PRP4K: variants seen among roughly 807,000 people sequenced by gnomAD.
PRP4K encodes the protein pre-mRNA processing factor kinase PRP4K.
chr6:4,054,539 G>T, the PRP4K span, among the ~76,000 whole-genome samples: 1 of 151,940 alleles, frequency 6.6e-6, no homozygotes, highest in Non-Finnish European at 1.5e-5. Context: ...ACACAGCCTT[G>T]CCCTGTTACC....
At chr6:4,044,281 A>G in the PRP4K span, 1 of 386,960 alleles carries the variant, frequency 2.6e-6, no homozygotes, top group Non-Finnish European at 4.6e-6. Flanking sequence ...GCTATTTTAA[A>G]GCAAATCCAA....
chr6:4,052,533 A>G, the PRP4K span, among the ~76,000 whole-genome samples: 2 of 152,220 alleles, frequency 1.3e-5, no homozygotes, highest in Admixed American at 1.3e-4. Context: ...AAACTGTGTT[A>G]TATACATACA....
chr6:4,056,450 G>A, the PRP4K span: 4 of 1,612,670 alleles, frequency 2.5e-6, no homozygotes, highest in Admixed American at 5.0e-5. Context: ...GTTTCTTAAT[G>A]TTCTTTGACC....
At chr6:4,040,335 T>G in the PRP4K span, among the ~76,000 whole-genome samples, 6 of 152,202 alleles carry the variant, frequency 3.9e-5, 1 homozygote, top group East Asian at 5.8e-4. Context: ...CACACTCAAG[T>G]TAGAGAACGT....
chr6:4,048,004 C>A, the PRP4K span, among the ~76,000 whole-genome samples: 1 of 149,358 alleles, frequency 6.7e-6, no homozygotes, highest in African/African-American at 2.5e-5. Flanking sequence ...GAGTATTGAC[C>A]CAGTTTTGGT....
the PRP4K span, chr6:4,047,351 T>C: frequency 4.0e-6 from 4 of 996,292 alleles, no homozygotes; most frequent in Non-Finnish European, 4.4e-6. Flanking sequence ...TAATAAATAT[T>C]TTGAACAGTG....
the PRP4K span, chr6:4,044,045 G>A: frequency 1.4e-5 from 23 of 1,601,582 alleles, no homozygotes; most frequent in Admixed American, 1.3e-4. Context: ...TTGTCCTGGC[G>A]ACGCTTTTCT....
the PRP4K span, chr6:4,032,849 A>C: frequency 7.7e-7 from 1 of 1,296,098 alleles, no homozygotes; most frequent in Non-Finnish European, 1.0e-6. Flanking sequence ...TGAAGTAGTA[A>C]GTAAAAATAA....
chr6:4,032,460 A>G, the PRP4K span: 5 of 1,614,074 alleles, frequency 3.1e-6, no homozygotes, highest in African/African-American at 5.3e-5. Context: ...GAGAAAATCA[A>G]AACGGTCTGA....
chr6:4,038,828 G>C, the PRP4K span, among the ~76,000 whole-genome samples: 1 of 150,986 alleles, frequency 6.6e-6, no homozygotes, highest in African/African-American at 2.4e-5. Flanking sequence ...TATGTGCCTC[G>C]GTATGTAGAT....
At chr6:4,056,598 TTG>T in the PRP4K span, 1 of 1,590,920 alleles carries the variant, frequency 6.3e-7, no homozygotes, top group African/African-American at 1.3e-5. Flanking sequence ...ATGAAGGTAG[TTG>T]TGACAGGAGT....
At chr6:4,051,270 A>G in the PRP4K span, among the ~76,000 whole-genome samples, 8 of 152,026 alleles carry the variant, frequency 5.3e-5, no homozygotes, top group South Asian at 2.1e-4. Context: ...TTTGTTAAAA[A>G]TAATGTCAAG....
the PRP4K span, among the ~76,000 whole-genome samples, chr6:4,059,368 C>T: frequency 2.0e-5 from 3 of 152,130 alleles, no homozygotes; most frequent in Non-Finnish European, 4.4e-5. Flanking sequence ...TGCCTCACCC[C>T]CAACCCCCTA....
At chr6:4,037,039 A>C in the PRP4K span, among the ~76,000 whole-genome samples, 1 of 152,074 alleles carries the variant, frequency 6.6e-6, no homozygotes, top group South Asian at 2.1e-4. Flanking sequence ...CAGGATGTAG[A>C]AAGAAAAAGT....
chr6:4,060,323 A>C, the PRP4K span: 32 of 1,215,306 alleles, frequency 2.6e-5, no homozygotes, highest in East Asian at 8.1e-4. The surrounding 1 kb of genome is among the most constrained non-coding windows in gnomAD (Gnocchi z 4.7). Context: ...CATGTTTTTA[A>C]TATTTTTGAT....
the PRP4K span, chr6:4,044,044 C>A: frequency 7.0e-5 from 112 of 1,600,498 alleles, no homozygotes; most frequent in Admixed American, 5.7e-4. Context: ...TTTGTCCTGG[C>A]GACGCTTTTC....
chr6:4,057,506 A>ACCTAATT, the PRP4K span, among the ~76,000 whole-genome samples: 2 of 152,256 alleles, frequency 1.3e-5, no homozygotes, highest in Non-Finnish European at 2.9e-5. Context: ...TAGGTAAAAT[A>ACCTAATT]CAAGAACATG....
At chr6:4,024,640 T>G in the PRP4K span, among the ~76,000 whole-genome samples, 1 of 152,166 alleles carries the variant, frequency 6.6e-6, no homozygotes, top group Non-Finnish European at 1.5e-5. Flanking sequence ...CGAGTCTCTG[T>G]TGCCCAGGCT....
the PRP4K span, among the ~76,000 whole-genome samples, chr6:4,044,435 TTTA>T: frequency 3.0e-4 from 45 of 152,142 alleles, no homozygotes; most frequent in African/African-American, 1.0e-3. Flanking sequence ...TAAATACATG[TTTA>T]TTATTTTCTT....
Sources: allele counts gnomAD v4.1 joint callset (sites outside exome capture counted in the v4.1 genomes callset), GRCh38; gene constraint gnomAD v4.1.1; non-coding constraint Gnocchi (gnomAD v3.1); transcripts MANE v1.5; gene names NCBI Gene and HGNC (gene_info 2026-07-23, HGNC 2026-07-21).